Variants in AGAP1 observed in about 807,000 individuals in gnomAD.
AGAP1 encodes the protein arf-GAP with GTPase, ANK repeat and PH domain-containing protein 1.
In AGAP1, 29 loss-of-function variants were observed where a neutral mutation model predicts 105.3. That is an observed-to-expected ratio of 0.28 (90% CI 0.21 to 0.38). The LOEUF (loss-of-function observed/expected upper bound fraction) is 0.38. AGAP1 is among the 10% of genes least tolerant of loss of function. The probability of loss-of-function intolerance (pLI) is 1.00; values close to 1 mark genes in which losing one functional copy is unlikely to be tolerated. For synonymous variants in AGAP1, 509 were observed against 485.9 expected, an observed-to-expected ratio of 1.05 and a Z score of -0.63; for missense variants, 998 against 1,165.1, an observed-to-expected ratio of 0.86 and a Z score of 2.09.
chr2:235,774,375 A>G (rs200649650), intron 6 of AGAP1: 104 of 470,838 alleles, frequency 2.2e-4, no homozygotes, highest in Non-Finnish European at 6.6e-5. Context: ...CCCTGCTTCC[A>G]GTTTTTAAAA....
chr2:235,770,010 G>A (rs531273713), intron 6 of AGAP1, among the ~76,000 whole-genome samples: 3 of 152,244 alleles, frequency 2.0e-5, no homozygotes, highest in African/African-American at 7.2e-5. Flanking sequence ...ATGTTTTTGT[G>A]ATTAAAATAA....
Position 235,811,075 on chromosome 2 carries a change from G to A in AGAP1, c.1050+3744G>A, listed in dbSNP as rs140308449. Among the ~76,000 whole-genome samples, 13 of 152,278 alleles carry A rather than the reference G, an allele frequency of 8.5e-5. No homozygotes were observed. In the East Asian group the frequency reaches 1.2e-3, roughly 14 times the overall value. On this transcript the variant is annotated intron_variant, in intron 9 of 17. Transcript: ENST00000304032. ...CAGTTAATGAAGTACAAATGAGCCC[G>A]GAGAAGGTGACATGCAAATCGTGGG...
At chr2:235,745,711 C>G (rs1169188689) in intron 5 of AGAP1, among the ~76,000 whole-genome samples, 1 of 152,228 alleles carries the variant, frequency 6.6e-6, no homozygotes, top group Non-Finnish European at 1.5e-5. Flanking sequence ...AGACGCTTCT[C>G]TTTAGGACGT....
At position 235,867,888 on chromosome 2, in the gene AGAP1, G is replaced by C. The variant is rs2049258586; in HGVS notation, c.1051-15457G>C. On this transcript the variant is annotated intron_variant, in intron 9 of 17. Coordinates refer to ENST00000304032, the MANE Select transcript of AGAP1 (RefSeq NM_001037131.3). The surrounding 1 kb of genome is among the most constrained non-coding windows in gnomAD (Gnocchi z 5.4). Reference sequence around the variant, plus strand: ...ATTCCATCCACCCACCACCCACCCAGATGCGCTTCTCTAGTTTTATTGAGG... The same window carrying C: ...ATTCCATCCACCCACCACCCACCCACATGCGCTTCTCTAGTTTTATTGAGG... Among the ~76,000 whole-genome samples the C allele has an allele frequency of 6.6e-6, 1 of 152,080 alleles. No individual in the cohort carries two copies. Among genetic ancestry groups the C allele is most frequent in the African/African-American group, 2.4e-5 (1 of 41,400 alleles).
At chr2:236,065,152 T>C (rs1205750414) in intron 16 of AGAP1, among the ~76,000 whole-genome samples, 1 of 152,232 alleles carries the variant, frequency 6.6e-6, no homozygotes, top group East Asian at 1.9e-4. Flanking sequence ...ATCACGGGCT[T>C]CGTCAAAACC....
At chr2:235,703,635 A>G (rs1313221128) in intron 1 of AGAP1, among the ~76,000 whole-genome samples, 2 of 137,644 alleles carry the variant, frequency 1.5e-5, no homozygotes, top group Non-Finnish European at 3.1e-5. Flanking sequence ...CCCTCGCTCT[A>G]TCCCCCAGGC....
At chr2:235,513,553 G>A (rs375722521) in intron 1 of AGAP1, among the ~76,000 whole-genome samples, 1 of 143,118 alleles carries the variant, frequency 7.0e-6, no homozygotes, top group African/African-American at 2.6e-5. Context: ...AAAAAGAAAT[G>A]CAGATCACTG....
intron 16 of AGAP1, among the ~76,000 whole-genome samples, chr2:236,059,449 G>C (rs1169682995): frequency 2.0e-5 from 3 of 152,092 alleles, no homozygotes; most frequent in Non-Finnish European, 4.4e-5. Flanking sequence ...TTTTTTCCCA[G>C]AAATTTGACA....
In AGAP1 at chr2:235,799,436, A is replaced by G. The variant is rs1559501803; in HGVS notation, c.871A>G (p.Lys291Glu). 6.2e-7 allele frequency: 1 copy of G among 1,614,194 alleles called. No homozygotes were observed. ...TCCATCGACTCCCAGCACCAGCCAG[A>G]AGGAACTTCGGATCGATGTTCCTCC... ...SVPSTPSTSQ[K>E]ELRIDVPPTA... The change falls in exon 8 of 18, where the codon AAG (lysine) becomes GAG (glutamate). Residue 291 changes from lysine (K) to glutamate (E), a missense_variant. Coordinates refer to ENST00000304032, the MANE Select transcript of AGAP1 (RefSeq NM_001037131.3). The surrounding 1 kb of genome is among the most constrained non-coding windows in gnomAD (Gnocchi z 5.0).
intron 1 of AGAP1, among the ~76,000 whole-genome samples, chr2:235,697,971 T>C (rs1205921804): frequency 1.3e-5 from 2 of 152,222 alleles, no homozygotes; most frequent in South Asian, 2.1e-4. Flanking sequence ...GTCGAAATTA[T>C]CTTTTAATAC....
At chr2:235,742,137 T>C (rs1952629738) in intron 4 of AGAP1, among the ~76,000 whole-genome samples, 1 of 152,164 alleles carries the variant, frequency 6.6e-6, no homozygotes, top group African/African-American at 2.4e-5. Context: ...TTCTTGGCAT[T>C]ATTTCCTGGA....
rs190717413 is a variant in AGAP1, at chr2:236,012,822, A to T, written c.1646-23739A>T. On this transcript the variant is annotated intron_variant, in intron 13 of 17. Transcript: ENST00000304032. The surrounding 1 kb of genome is among the most constrained non-coding windows in gnomAD (Gnocchi z 4.9). ...GAGATGGAATCTCTCACTGTCGCCC[A>T]GGCTGGAGTGCAGTGGTACGATCTC... Among the ~76,000 whole-genome samples, 82 of 152,214 alleles carry T rather than the reference A, an allele frequency of 5.4e-4. No homozygotes were observed. Among genetic ancestry groups the T allele is most frequent in the African/African-American group, 1.8e-3 (74 of 41,516 alleles).
At position 235,633,033 on chromosome 2, in the gene AGAP1, C is replaced by G. The variant is rs756776556; in HGVS notation, c.164-76146C>G. Among the ~76,000 whole-genome samples, 2 of 152,076 alleles carry G rather than the reference C, an allele frequency of 1.3e-5. No individual in the cohort carries two copies. Among genetic ancestry groups the G allele is most frequent in the African/African-American group, 2.4e-5 (1 of 41,428 alleles). On this transcript the variant is annotated intron_variant, in intron 1 of 17. Coordinates refer to ENST00000304032, the MANE Select transcript of AGAP1 (RefSeq NM_001037131.3). The surrounding 1 kb of genome is among the most constrained non-coding windows in gnomAD (Gnocchi z 4.8). ...TGGTGCAGCCTCTGAACCCCCGACT[C>G]TTGGTGGGCTTTTGAGTTCTGCTTT...
chr2:236,075,334 G>C (rs989572714), intron 16 of AGAP1, among the ~76,000 whole-genome samples: 3 of 152,232 alleles, frequency 2.0e-5, no homozygotes, highest in Non-Finnish European at 4.4e-5. Context: ...TAATACAGCT[G>C]TTGGGGAAAA....
chr2:235,764,375 A>G (rs941006487), intron 6 of AGAP1, among the ~76,000 whole-genome samples: 1 of 151,866 alleles, frequency 6.6e-6, no homozygotes, highest in Non-Finnish European at 1.5e-5. Context: ...CCCGTTGCCC[A>G]TGTTTATTCC....
At chr2:235,763,158 C>T (rs1417542710) in intron 6 of AGAP1, among the ~76,000 whole-genome samples, 1 of 151,986 alleles carries the variant, frequency 6.6e-6, no homozygotes, top group Non-Finnish European at 1.5e-5. Flanking sequence ...GTGGAGCATC[C>T]CTAATCTGAA....
chr2:235,556,483 A>G lies in AGAP1; in HGVS notation c.163+61634A>G, dbSNP rs900049652. On this transcript the variant is annotated intron_variant, in intron 1 of 17. Transcript: ENST00000304032. This position sits in a 1 kb window ranked among gnomAD's most constrained non-coding sequence, Gnocchi z 5.3. ...GGGGGACTTTGGGGTGACACAAACC[A>G]GAGAAGGGCTTCAGCAGAGGGCCAT... 6.6e-6 allele frequency among the ~76,000 whole-genome samples: 1 copy of G among 152,194 alleles called. No individual in the cohort carries two copies.
In AGAP1 at chr2:235,601,571, T is replaced by G. The variant is rs956596904; in HGVS notation, c.163+106722T>G. Among the ~76,000 whole-genome samples, 3 of 152,080 alleles carry G rather than the reference T, an allele frequency of 2.0e-5. No homozygotes were observed. Among genetic ancestry groups the G allele is most frequent in the African/African-American group, 7.2e-5 (3 of 41,402 alleles). Reference sequence around the variant, plus strand: ...CCGTTTATAAAACCATCAGATCTTGTGAGACTTATTTTCTACCACAGAACA... The same window carrying G: ...CCGTTTATAAAACCATCAGATCTTGGGAGACTTATTTTCTACCACAGAACA... On this transcript the variant is annotated intron_variant, in intron 1 of 17. Transcript: ENST00000304032. This position sits in a 1 kb window ranked among gnomAD's most constrained non-coding sequence, Gnocchi z 4.4.
At chr2:235,514,285 C>CT (rs1469869852) in intron 1 of AGAP1, among the ~76,000 whole-genome samples, 2 of 152,268 alleles carry the variant, frequency 1.3e-5, no homozygotes, top group Admixed American at 1.3e-4. Context: ...CCTCAACCTG[C>CT]TTAAGCCTTT....
Sources: allele counts gnomAD v4.1 joint callset (sites outside exome capture counted in the v4.1 genomes callset), GRCh38; gene constraint gnomAD v4.1.1; non-coding constraint Gnocchi (gnomAD v3.1); transcripts MANE v1.5; gene names NCBI Gene and HGNC (gene_info 2026-07-23, HGNC 2026-07-21).